Variants in ZNF438 observed in about 807,000 individuals in gnomAD.
The protein encoded by ZNF438 is zinc finger protein 438.
In ZNF438, 25 loss-of-function variants were observed where a neutral mutation model predicts 38.0. That is an observed-to-expected ratio of 0.66 (90% CI 0.48 to 0.92). The LOEUF is 0.92. Ranked by LOEUF, ZNF438 falls within the 40% of genes least tolerant of loss-of-function variation. ZNF438 has a pLI of 0.00. For missense variants in ZNF438, 1,007 were observed against 999.6 expected, an observed-to-expected ratio of 1.01 and a Z score of -0.10; for synonymous variants, 372 against 364.1, an observed-to-expected ratio of 1.02 and a Z score of -0.25.
chr10:30,949,326 G>A (rs988896929), intron 1 of ZNF438, among the ~76,000 whole-genome samples: 6 of 152,138 alleles, frequency 3.9e-5, no homozygotes, highest in African/African-American at 7.2e-5. Flanking sequence ...TCAAGACTAC[G>A]AAGAAACTGC....
chr10:30,924,405 AG>A (rs751728692), intron 2 of ZNF438, among the ~76,000 whole-genome samples: 6 of 152,214 alleles, frequency 3.9e-5, no homozygotes, highest in Non-Finnish European at 7.3e-5. Flanking sequence ...AGAGGCAAGG[AG>A]GCAATCATGA....
chr10:30,992,321 G>A (rs3006584), intron 1 of ZNF438, among the ~76,000 whole-genome samples: 107,652 of 152,014 alleles, frequency 0.71, 38,548 homozygotes, highest in Middle Eastern at 0.75. Flanking sequence ...GACTGTGGAG[G>A]AGCTGGATAG....
rs1589063235 is a variant in ZNF438, at chr10:30,895,781, A to C, written c.-32+13152T>G. ...ATCACTAATTAGAAAAATGCAAATC[A>C]AAACCACAATGAAATAACACCTCAC... On this transcript the variant is annotated intron_variant, in intron 3 of 5. Coordinates refer to ENST00000413025, the Ensembl canonical transcript of ZNF438. 3.9e-5 allele frequency among the ~76,000 whole-genome samples: 6 copies of C among 152,220 alleles called. No homozygotes were observed. The South Asian group carries it at 1.2e-3, about 31-fold the overall frequency.
At chr10:30,846,807 C>A (rs377229779) in intron 5 of ZNF438, among the ~76,000 whole-genome samples, 1 of 152,154 alleles carries the variant, frequency 6.6e-6, no homozygotes, top group African/African-American at 2.4e-5. Flanking sequence ...AGGCCCCTTT[C>A]CCCCCACGGG....
chr10:30,850,571 T>G (rs2033414579), intron 4 of ZNF438, among the ~76,000 whole-genome samples: 1 of 152,212 alleles, frequency 6.6e-6, no homozygotes, highest in Non-Finnish European at 1.5e-5. Context: ...TACTTATCTA[T>G]GGTTCCTTAG....
intron 2 of ZNF438, chr10:30,910,231 C>T (rs1395313843): frequency 6.6e-6 from 1 of 152,118 alleles, no homozygotes; most frequent in African/African-American, 2.4e-5. Flanking sequence ...AAAGACCATA[C>T]TTAAAGTGAT....
exon 5 of ZNF438, chr10:30,849,170 T>G (rs1487010055): frequency 6.2e-7 from 1 of 1,613,830 alleles, no homozygotes; most frequent in African/African-American, 1.3e-5. Context: ...TACTCTTTCT[T>G]TACCATCTCT....
exon 4 of ZNF438, chr10:30,877,057 G>A: frequency 6.3e-7 from 1 of 1,591,750 alleles, no homozygotes; most frequent in Non-Finnish European, 8.6e-7. Flanking sequence ...GACTTGAATA[G>A]TATCTTTCCT....
intron 2 of ZNF438, chr10:30,923,230 C>T (rs1370131927): frequency 2.0e-5 from 3 of 152,196 alleles, no homozygotes; most frequent in Admixed American, 2.0e-4. Context: ...TAAACACTGA[C>T]ATTTTAAAGC....
intron 1 of ZNF438, among the ~76,000 whole-genome samples, chr10:30,942,623 A>C (rs759513651): frequency 6.6e-6 from 1 of 152,246 alleles, no homozygotes; most frequent in Non-Finnish European, 1.5e-5. Flanking sequence ...CTTTCCAATC[A>C]GAATCATGCA....
intron 1 of ZNF438, among the ~76,000 whole-genome samples, chr10:31,018,650 C>T (rs1178998272): frequency 6.6e-6 from 1 of 152,198 alleles, no homozygotes; most frequent in Non-Finnish European, 1.5e-5. Flanking sequence ...GGCTAAACTG[C>T]TGTAATAAAC....
chr10:31,031,431 T>A (rs901243166), intron 1 of ZNF438, among the ~76,000 whole-genome samples: 14 of 152,198 alleles, frequency 9.2e-5, no homozygotes, highest in Non-Finnish European at 2.1e-4. Flanking sequence ...AGGATTCCTA[T>A]TCTCTGAGAG....
chr10:30,966,327 T>G (rs2050109671), intron 1 of ZNF438, among the ~76,000 whole-genome samples: 2 of 151,738 alleles, frequency 1.3e-5, no homozygotes, highest in Non-Finnish European at 2.9e-5. Flanking sequence ...GAGCTCCTGT[T>G]TCAAAAAAAA....
chr10:30,938,984 C>T (rs1190727037), intron 2 of ZNF438, among the ~76,000 whole-genome samples: 6 of 151,828 alleles, frequency 4.0e-5, no homozygotes, highest in African/African-American at 4.8e-5. Context: ...TTAGTAGAGA[C>T]GGGGTTTCAC....
intron 1 of ZNF438, among the ~76,000 whole-genome samples, chr10:30,977,451 A>C (rs546897237): frequency 6.6e-6 from 1 of 152,320 alleles, no homozygotes; most frequent in South Asian, 2.1e-4. Context: ...CGTGGTTTCC[A>C]AAGTAGTTTC....
intron 1 of ZNF438, among the ~76,000 whole-genome samples, chr10:31,008,455 A>T (rs984461276): frequency 9.2e-5 from 14 of 151,988 alleles, no homozygotes; most frequent in Admixed American, 8.5e-4. Flanking sequence ...CCCTCCTCTA[A>T]CCCTCTCAGC....
At chr10:30,856,376 T>G (rs940010013) in intron 4 of ZNF438, among the ~76,000 whole-genome samples, 35 of 152,298 alleles carry the variant, frequency 2.3e-4, no homozygotes, top group South Asian at 1.0e-3. Context: ...CGTGTTTTTT[T>G]GTTTTGTTTT....
chr10:30,913,407 C>T (rs534395287), intron 2 of ZNF438, among the ~76,000 whole-genome samples: 2 of 152,136 alleles, frequency 1.3e-5, no homozygotes, highest in African/African-American at 4.8e-5. Flanking sequence ...CATGCCCTTT[C>T]TTTTCTCTGT....
chr10:30,950,037 T>C (rs1283379613), intron 1 of ZNF438, among the ~76,000 whole-genome samples: 1 of 151,734 alleles, frequency 6.6e-6, no homozygotes, highest in African/African-American at 2.4e-5. Context: ...ACAGAAATTA[T>C]AACAAACTAT....
Sources: gnomAD v4.1 joint callset for allele counts (sites outside exome capture counted in the v4.1 genomes callset) on GRCh38, gnomAD v4.1.1 for gene constraint, MANE v1.5 for transcripts, NCBI Gene and HGNC (gene_info 2026-07-23, HGNC 2026-07-21) for gene names.